ZBTB20: variants seen among roughly 807,000 people sequenced by gnomAD.
ZBTB20 encodes the protein zinc finger and BTB domain-containing protein 20.
A neutral mutation model predicts 56.9 loss-of-function variants in ZBTB20; 9 were observed. That is an observed-to-expected ratio of 0.16 (90% CI 0.10 to 0.28). The LOEUF is 0.28. Ranked by LOEUF, ZBTB20 falls within the 10% of genes least tolerant of loss-of-function variation. ZBTB20 has a pLI of 1.00. For missense variants in ZBTB20, 655 were observed against 1,003.0 expected (o/e 0.65, Z 4.69); for synonymous variants, 417 against 420.7 (o/e 0.99, Z 0.11).
chr3:114,949,997 C>T (rs775120279), intron 3 of ZBTB20, among the ~76,000 whole-genome samples: 9 of 152,200 alleles, frequency 5.9e-5, no homozygotes, highest in South Asian at 2.1e-4. Flanking sequence ...TATGAAAAGA[C>T]GCTTAATTTC....
intron 4 of ZBTB20, among the ~76,000 whole-genome samples, chr3:114,808,231 G>T (rs948502806): frequency 1.3e-5 from 2 of 151,974 alleles, no homozygotes; most frequent in African/African-American, 4.8e-5. Flanking sequence ...CCAGCTAATT[G>T]CTAACAATTG....
chr3:115,106,296 C>G (rs1240669331), intron 1 of ZBTB20, among the ~76,000 whole-genome samples: 1 of 149,830 alleles, frequency 6.7e-6, no homozygotes, highest in Non-Finnish European at 1.5e-5. Flanking sequence ...TGCAGTGGCC[C>G]GATCTTAGCT....
intron 5 of ZBTB20, among the ~76,000 whole-genome samples, chr3:114,749,329 G>A (rs542776314): frequency 1.1e-4 from 17 of 152,130 alleles, no homozygotes; most frequent in South Asian, 4.2e-4. Flanking sequence ...CAAGGTGGGC[G>A]GATCACAAGG....
intron 1 of ZBTB20, among the ~76,000 whole-genome samples, chr3:115,117,345 A>T (rs768843275): frequency 1.3e-5 from 2 of 152,150 alleles, no homozygotes; most frequent in Non-Finnish European, 2.9e-5. Flanking sequence ...AGTTTCTCTT[A>T]TCTTTTTCCT....
intron 8 of ZBTB20, chr3:114,383,620 A>G (rs1049709231): frequency 1.3e-5 from 2 of 152,124 alleles, no homozygotes; most frequent in African/African-American, 4.8e-5. Context: ...ACTTACCCTT[A>G]TACCACTGGG....
At chr3:114,894,845 C>A (rs1416834944) in intron 4 of ZBTB20, among the ~76,000 whole-genome samples, 1 of 152,090 alleles carries the variant, frequency 6.6e-6, no homozygotes, top group Non-Finnish European at 1.5e-5. Flanking sequence ...GTAATATTCC[C>A]AACTAAATAA....
chr3:115,055,190 T>TCTC (rs1553886765), intron 2 of ZBTB20, among the ~76,000 whole-genome samples: 1 of 135,796 alleles, frequency 7.4e-6, no homozygotes, highest in Non-Finnish European at 1.6e-5. Flanking sequence ...CCTGGTAATC[T>TCTC]CTCTCTCTCT....
chr3:114,894,978 T>C (rs2107645585), intron 4 of ZBTB20, among the ~76,000 whole-genome samples: 1 of 152,286 alleles, frequency 6.6e-6, no homozygotes, highest in East Asian at 1.9e-4. Context: ...TATCTAGTGA[T>C]GTTTTCATTA....
At chr3:115,074,006 T>C (rs1340817331) in intron 1 of ZBTB20, among the ~76,000 whole-genome samples, 1 of 152,166 alleles carries the variant, frequency 6.6e-6, no homozygotes, top group Non-Finnish European at 1.5e-5. Context: ...TTCTCACCTT[T>C]CCTTTCAGCA....
chr3:114,571,759 T>G (rs1459673790), intron 6 of ZBTB20, among the ~76,000 whole-genome samples: 1 of 152,180 alleles, frequency 6.6e-6, no homozygotes, highest in African/African-American at 2.4e-5. Flanking sequence ...TTTCAGGGTC[T>G]CACTCCAGAG....
chr3:114,596,138 C>G (rs1407662459), intron 6 of ZBTB20, among the ~76,000 whole-genome samples: 1 of 152,048 alleles, frequency 6.6e-6, no homozygotes, highest in Non-Finnish European at 1.5e-5. Context: ...GAGACTTCAC[C>G]TAGAAGGTCT....
chr3:114,526,737 T>C (rs915004400), intron 6 of ZBTB20, among the ~76,000 whole-genome samples: 7 of 152,208 alleles, frequency 4.6e-5, no homozygotes, highest in Non-Finnish European at 8.8e-5. Flanking sequence ...CAACATTATG[T>C]ATAATAGCAA....
chr3:114,977,032 G>T (rs1310452971), intron 2 of ZBTB20, among the ~76,000 whole-genome samples: 4 of 151,590 alleles, frequency 2.6e-5, no homozygotes, highest in South Asian at 4.2e-4. Flanking sequence ...AGAAAAAGGG[G>T]AAAATATATT....
intron 6 of ZBTB20, among the ~76,000 whole-genome samples, chr3:114,506,234 A>C (rs2044597619): frequency 6.6e-6 from 1 of 152,180 alleles, no homozygotes. Flanking sequence ...ATGCTATGAT[A>C]ACAATCCTAA....
At chr3:114,962,193 AT>A (rs1483408332) in intron 3 of ZBTB20, among the ~76,000 whole-genome samples, 1 of 152,136 alleles carries the variant, frequency 6.6e-6, no homozygotes, top group Non-Finnish European at 1.5e-5. Flanking sequence ...TCTGGTGCTC[AT>A]GAACACATGA....
intron 7 of ZBTB20, among the ~76,000 whole-genome samples, chr3:114,483,963 G>C (rs1036028002): frequency 6.6e-6 from 1 of 151,950 alleles, no homozygotes; most frequent in Non-Finnish European, 1.5e-5. Context: ...GGTACAGTTA[G>C]TTGTCTGCAT....
chr3:114,361,986 A>G (rs1027237316), intron 10 of ZBTB20, among the ~76,000 whole-genome samples: 9 of 152,194 alleles, frequency 5.9e-5, no homozygotes, highest in Non-Finnish European at 1.3e-4. Context: ...TGGTCAAGCA[A>G]TGTCAATGTT....
chr3:114,826,352 C>T (rs189087589), intron 4 of ZBTB20, among the ~76,000 whole-genome samples: 35 of 151,738 alleles, frequency 2.3e-4, no homozygotes, highest in African/African-American at 8.2e-4. Context: ...AATCTCCCCC[C>T]ACAAAATTTA....
At chr3:114,757,369 A>G (rs1023693748) in intron 5 of ZBTB20, among the ~76,000 whole-genome samples, 6 of 152,210 alleles carry the variant, frequency 3.9e-5, no homozygotes, top group African/African-American at 1.2e-4. Flanking sequence ...AGATATACTT[A>G]GCAAAAGTAG....
Sources: allele counts gnomAD v4.1 joint callset (sites outside exome capture counted in the v4.1 genomes callset), GRCh38; gene constraint gnomAD v4.1.1; transcripts MANE v1.5; gene names NCBI Gene and HGNC (gene_info 2026-07-23, HGNC 2026-07-21).